FAM53A: variants seen among roughly 807,000 people sequenced by gnomAD.
FAM53A encodes protein FAM53A.
Under a neutral mutation model 26.6 loss-of-function variants are expected in FAM53A, and 28 were observed. The observed-to-expected ratio is 1.05, with a 90% CI of 0.78 to 1.45. The LOEUF is 1.45. FAM53A is among the 40% of genes most tolerant of loss of function. The pLI is 0.00. For missense variants in FAM53A, 650 were observed against 575.8 expected (o/e 1.13, Z -1.32); for synonymous variants, 290 against 253.1 (o/e 1.15, Z -1.38).
At chr4:1,649,067 C>T (rs1712497190) in intron 4 of FAM53A, among the ~76,000 whole-genome samples, 2 of 150,762 alleles carry the variant, frequency 1.3e-5, no homozygotes, top group African/African-American at 4.9e-5. Context: ...GAGCTGAGAT[C>T]ATGCCACTGC....
At chr4:1,649,158 A>AGGGAAGGGGAAG in intron 4 of FAM53A, among the ~76,000 whole-genome samples, 1 of 81,918 alleles carries the variant, frequency 1.2e-5, no homozygotes, top group Non-Finnish European at 2.5e-5. Flanking sequence ...GGAAGGGGAA[A>AGGGAAGGGGAAG]GGGAAGGGGA....
downstream of FAM53A, among the ~76,000 whole-genome samples, chr4:1,638,691 G>C (rs908824376): frequency 1.3e-5 from 2 of 152,132 alleles, no homozygotes; most frequent in African/African-American, 2.4e-5. Context: ...GGGGGCGGCT[G>C]GTGACTGCAC....
chr4:1,585,747 G>A, the FAM53A span, among the ~76,000 whole-genome samples: 1 of 152,076 alleles, frequency 6.6e-6, no homozygotes, highest in Non-Finnish European at 1.5e-5. Context: ...TTGTTTCTGA[G>A]ACAGGGTCTC....
chr4:1,603,729 G>A, the FAM53A span, among the ~76,000 whole-genome samples: 1 of 152,302 alleles, frequency 6.6e-6, no homozygotes, highest in African/African-American at 2.4e-5. Context: ...AGAGCCCCTC[G>A]GGACGTGCTG....
At chr4:1,607,711 T>C in the FAM53A span, among the ~76,000 whole-genome samples, 3 of 151,990 alleles carry the variant, frequency 2.0e-5, no homozygotes, top group Non-Finnish European at 4.4e-5. Flanking sequence ...GAGGCCGAGG[T>C]GGGCGGATCA....
chr4:1,677,561 T>G lies in FAM53A; in HGVS notation c.-165+6672A>C, dbSNP rs368085188. On this transcript the variant is annotated intron_variant, in intron 1 of 4. Coordinates refer to ENST00000308132, the MANE Select transcript of FAM53A (RefSeq NM_001174070.3). ...CTTTTTCTGGTCCCTGCACTCTGTA[T>G]CTCAGCTCCCTTAGTCTTCTCTGCT... Among the ~76,000 whole-genome samples, 109 of 152,342 alleles carry G rather than the reference T, an allele frequency of 7.2e-4. 1 individual carries two copies. Among genetic ancestry groups the G allele is most frequent in the African/African-American group, 2.5e-3 (106 of 41,580 alleles).
Position 1,655,337 on chromosome 4 carries a change from A to G in FAM53A, c.523T>C (p.Trp175Arg). The stretch of plus-strand genomic sequence containing the variant: ...GCGGGCGAGGTGGGACCGGTCGACC[A>G]CACAGCACTCCTCGGCAGGACGGCG... ...PGAVLPRSAV[W>R]STGPTSPATP... Residue 175 changes from tryptophan (W) to arginine (R), a missense_variant, in exon 4 of 5, where the codon TGG becomes CGG. Transcript: ENST00000308132. The G allele has an allele frequency of 7.0e-7, 1 of 1,433,034 alleles. No individual in the cohort carries two copies. The highest frequency in any genetic ancestry group is 9.1e-7 in the Non-Finnish European group (1 of 1,097,540). 88.8% of individuals were successfully genotyped at this position (1,433,034 alleles called of 1,614,324 possible).
intron 2 of FAM53A, among the ~76,000 whole-genome samples, chr4:1,667,730 C>G (rs867085607): frequency 2.6e-5 from 4 of 152,178 alleles, no homozygotes; most frequent in African/African-American, 9.7e-5. Context: ...GCTACAAATG[C>G]AACGTGCCCA....
At chr4:1,633,963 G>A (rs1715726082) in intron 1 of FAM53A, among the ~76,000 whole-genome samples, 1 of 152,206 alleles carries the variant, frequency 6.6e-6, no homozygotes. Flanking sequence ...CACCATTCAG[G>A]GCAATGAGGC....
chr4:1,597,075 T>A, the FAM53A span, among the ~76,000 whole-genome samples: 1 of 152,014 alleles, frequency 6.6e-6, no homozygotes, highest in South Asian at 2.1e-4. Context: ...CATCTCTGGA[T>A]CCAGTGGGGC....
the FAM53A span, among the ~76,000 whole-genome samples, chr4:1,599,682 A>C: frequency 0.027 from 3,925 of 144,958 alleles, 139 homozygotes; most frequent in East Asian, 0.097. This position sits in a 1 kb window ranked among gnomAD's most constrained non-coding sequence, Gnocchi z 6.1. Context: ...GCCCTCTGGG[A>C]GGCTGCGCCC....
the FAM53A span, among the ~76,000 whole-genome samples, chr4:1,592,517 CAG>C: frequency 0.26 from 39,388 of 152,018 alleles, 5,938 homozygotes; most frequent in Admixed American, 0.34. Context: ...TGGGGGAAAA[CAG>C]GGGCAGGAGA....
chr4:1,641,483 G>A lies in FAM53A; in HGVS notation c.1007C>T (p.Pro336Leu). ...DSRGLPGITM[P>L]GCSQRGLRTS... ...CCTGAGGCCCCTCTGGCTGCAGCCAGGCATGGTGATGCCAGGGAGGCCCCG... is the reference window on the plus strand; with the variant it reads ...CCTGAGGCCCCTCTGGCTGCAGCCAAGCATGGTGATGCCAGGGAGGCCCCG... Residue 336 changes from proline (P) to leucine (L), a missense_variant, in exon 5 of 5, where the codon CCT becomes CTT. Physicochemically the swap from Pro to Leu is moderately conservative, Grantham distance 98. Transcript: ENST00000308132. 2 of 1,614,222 alleles carry A rather than the reference G, an allele frequency of 1.2e-6. No individual in the cohort carries two copies. Among genetic ancestry groups the A allele is most frequent in the Non-Finnish European group, 1.7e-6 (2 of 1,180,038 alleles).
the FAM53A span, among the ~76,000 whole-genome samples, chr4:1,586,360 AT>A: frequency 6.6e-6 from 1 of 151,538 alleles, no homozygotes; most frequent in Non-Finnish European, 1.5e-5. Flanking sequence ...TGCCCAGCTA[AT>A]TTTTTGTATT....
At chr4:1,650,276 AC>A (rs1712651707) in intron 4 of FAM53A, among the ~76,000 whole-genome samples, 1 of 123,084 alleles carries the variant, frequency 8.1e-6, no homozygotes, top group Non-Finnish European at 1.7e-5. Context: ...GTGGCGTTTG[AC>A]TGTGAGGTGG....
intron 1 of FAM53A, among the ~76,000 whole-genome samples, chr4:1,618,448 C>T (rs1336055078): frequency 6.6e-6 from 1 of 152,190 alleles, no homozygotes; most frequent in Non-Finnish European, 1.5e-5. Flanking sequence ...GGTACCACAG[C>T]CGGGCCCCCA....
upstream of FAM53A, among the ~76,000 whole-genome samples, chr4:1,684,520 GGCCCCGCCCCCGGATCGAC>G (rs1351269312): frequency 6.6e-6 from 1 of 151,246 alleles, no homozygotes; most frequent in African/African-American, 2.4e-5. Flanking sequence ...GCGAGGGTCT[GGCCCCGCCCCCGGATCGAC>G]GCCCCGCCCC....
chr4:1,594,541 T>C, the FAM53A span, among the ~76,000 whole-genome samples: 28 of 152,342 alleles, frequency 1.8e-4, no homozygotes, highest in African/African-American at 6.3e-4. Flanking sequence ...GTAATGTGGA[T>C]CTATGCTTTA....
At chr4:1,623,107 G>A (rs1715120845) in intron 1 of FAM53A, among the ~76,000 whole-genome samples, 1 of 152,238 alleles carries the variant, frequency 6.6e-6, no homozygotes. Context: ...AGCCCGGCAT[G>A]CGGTCCCCCA....
Sources: gnomAD v4.1 joint callset for allele counts (sites outside exome capture counted in the v4.1 genomes callset) on GRCh38, gnomAD v4.1.1 for gene constraint, Gnocchi (gnomAD v3.1) non-coding constraint, MANE v1.5 for transcripts, NCBI Gene and HGNC (gene_info 2026-07-23, HGNC 2026-07-21) for gene names.